Variants in ARL15 observed in about 807,000 individuals in gnomAD.
ARL15 encodes the protein ARF like GTPase 15.
ARL15 carries 19 observed loss-of-function variants against 25.2 expected under a neutral mutation model. That is an observed-to-expected ratio of 0.75 (90% CI 0.53 to 1.10). The LOEUF (loss-of-function observed/expected upper bound fraction) is 1.10, where lower values mean the gene tolerates loss of function less well. Among genes scored for constraint, ARL15 ranks in the 50% least tolerant of loss-of-function variants. The pLI, the probability that ARL15 is intolerant of heterozygous loss-of-function variation, is 0.00. For synonymous variants in ARL15, 94 were observed against 86.8 expected (o/e 1.08, Z -0.46); for missense variants, 220 against 246.0 (o/e 0.89, Z 0.71).
intron 4 of ARL15, among the ~76,000 whole-genome samples, chr5:54,096,425 T>C (rs1439382265): frequency 1.3e-5 from 2 of 152,210 alleles, no homozygotes; most frequent in Non-Finnish European, 2.9e-5. Flanking sequence ...TCATTTTTTA[T>C]TTTTTAGAAA....
intron 4 of ARL15, among the ~76,000 whole-genome samples, chr5:54,032,145 AAG>A (rs1400345475): frequency 2.0e-5 from 3 of 152,178 alleles, no homozygotes; most frequent in Admixed American, 6.5e-5. Context: ...TTATCCTCAA[AAG>A]AGAGAAAATT....
intron 3 of ARL15, among the ~76,000 whole-genome samples, chr5:54,131,193 A>C (rs1190523752): frequency 6.6e-6 from 1 of 152,080 alleles, no homozygotes; most frequent in Non-Finnish European, 1.5e-5. Context: ...AATGTGAAAA[A>C]CCTTGCAAAG....
chr5:54,139,903 G>C lies in ARL15; in HGVS notation c.253+14677C>G, dbSNP rs368254259. Among the ~76,000 whole-genome samples the C allele has an allele frequency of 4.6e-5, 7 of 152,274 alleles. No individual in the cohort carries two copies. In the East Asian group the frequency reaches 1.2e-3, roughly 25 times the overall value. The stretch of plus-strand genomic sequence containing the variant: ...TCAGAGATACACCTAAAGACTTTAA[G>C]CATCTTTTCTACATTTCTAAATTGA... On this transcript the variant is annotated intron_variant, in intron 3 of 4. Coordinates refer to ENST00000504924, the MANE Select transcript of ARL15 (RefSeq NM_019087.3).
chr5:54,175,335 C>CT (rs1754836754), intron 1 of ARL15, among the ~76,000 whole-genome samples: 1 of 150,940 alleles, frequency 6.6e-6, no homozygotes, highest in Non-Finnish European at 1.5e-5. Context: ...TTCTTTCTTT[C>CT]TTTCTTTTTT....
chr5:54,020,033 A>G (rs1268921788), intron 4 of ARL15, among the ~76,000 whole-genome samples: 1 of 152,254 alleles, frequency 6.6e-6, no homozygotes, highest in Non-Finnish European at 1.5e-5. Flanking sequence ...TAGTATGAAA[A>G]AACTAAATAT....
intron 4 of ARL15, among the ~76,000 whole-genome samples, chr5:53,896,888 A>C (rs1199145518): frequency 6.6e-6 from 1 of 152,084 alleles, no homozygotes; most frequent in African/African-American, 2.4e-5. Context: ...CTCTTAGAAA[A>C]CGTCGGTCTT....
At chr5:54,028,526 A>AC (rs551110185) in intron 4 of ARL15, among the ~76,000 whole-genome samples, 2 of 148,202 alleles carry the variant, frequency 1.3e-5, no homozygotes, top group South Asian at 4.3e-4. Context: ...AAAAAAAAAA[A>AC]CCACAACTGA....
At chr5:54,115,710 T>C (rs16882239) in intron 3 of ARL15, among the ~76,000 whole-genome samples, 5,617 of 152,252 alleles carry the variant, frequency 0.037, 182 homozygotes, top group East Asian at 0.14. Context: ...TGTTGAGTAA[T>C]GTTAAGTATG....
chr5:54,080,780 A>G (rs1402948109), intron 4 of ARL15, among the ~76,000 whole-genome samples: 1 of 152,184 alleles, frequency 6.6e-6, no homozygotes, highest in Non-Finnish European at 1.5e-5. Flanking sequence ...AAATGTCACA[A>G]CAGAGGAGTG....
chr5:54,098,313 T>G (rs1016132195), intron 4 of ARL15, among the ~76,000 whole-genome samples: 2 of 152,068 alleles, frequency 1.3e-5, no homozygotes, highest in African/African-American at 4.8e-5. Flanking sequence ...GTGAAGTAAA[T>G]CAGGCAAACT....
intron 4 of ARL15, among the ~76,000 whole-genome samples, chr5:53,925,264 A>C (rs1163403854): frequency 6.6e-6 from 1 of 151,310 alleles, no homozygotes; most frequent in Admixed American, 6.6e-5. Flanking sequence ...TGGTGCAATC[A>C]TGGCTCACTG....
At chr5:53,908,020 G>T (rs924487940) in intron 4 of ARL15, among the ~76,000 whole-genome samples, 1 of 152,138 alleles carries the variant, frequency 6.6e-6, no homozygotes. Flanking sequence ...GCACAAAAAT[G>T]ATGTCATAAC....
At chr5:54,137,048 CTTT>C (rs879572324) in intron 3 of ARL15, among the ~76,000 whole-genome samples, 12 of 140,952 alleles carry the variant, frequency 8.5e-5, no homozygotes, top group Admixed American at 1.4e-4. Context: ...AGTAGATAAC[CTTT>C]TTTTTTTTTT....
chr5:54,288,181 T>G (rs1044171212), intron 1 of ARL15, among the ~76,000 whole-genome samples: 2 of 152,194 alleles, frequency 1.3e-5, no homozygotes, highest in Non-Finnish European at 2.9e-5. Context: ...AATGGCTGAG[T>G]GCAGTTGCAG....
chr5:54,194,026 T>A (rs1463464954), intron 1 of ARL15, among the ~76,000 whole-genome samples: 1 of 152,090 alleles, frequency 6.6e-6, no homozygotes, highest in African/African-American at 2.4e-5. Flanking sequence ...GATGTGGGTG[T>A]CCCCTGGGAG....
chr5:54,256,413 T>TTA (rs367924406), intron 1 of ARL15, among the ~76,000 whole-genome samples: 2 of 99,496 alleles, frequency 2.0e-5, no homozygotes, highest in Non-Finnish European at 3.9e-5. Context: ...CGAATCAGTT[T>TTA]AAAAAAAAAA....
chr5:54,216,827 A>T (rs1374427814), intron 1 of ARL15, among the ~76,000 whole-genome samples: 1 of 152,218 alleles, frequency 6.6e-6, no homozygotes, highest in Non-Finnish European at 1.5e-5. Flanking sequence ...TATATACCTT[A>T]GACCCGTACA....
intron 4 of ARL15, among the ~76,000 whole-genome samples, chr5:53,932,919 G>A (rs1746235084): frequency 1.3e-5 from 2 of 152,292 alleles, no homozygotes; most frequent in African/African-American, 4.8e-5. Context: ...CTCCTTTCTC[G>A]TAATCCCCGT....
intron 4 of ARL15, among the ~76,000 whole-genome samples, chr5:54,071,506 C>T (rs1469161531): frequency 1.6e-5 from 1 of 62,456 alleles, no homozygotes; most frequent in African/African-American, 9.1e-5. Context: ...TCTTCCACCG[C>T]CTTTCCCCCC....
Sources: gnomAD v4.1 joint callset for allele counts (sites outside exome capture counted in the v4.1 genomes callset) on GRCh38, gnomAD v4.1.1 for gene constraint, MANE v1.5 for transcripts, NCBI Gene and HGNC (gene_info 2026-07-23, HGNC 2026-07-21) for gene names.